LEKR1: variants seen among roughly 807,000 people sequenced by gnomAD.
The protein encoded by LEKR1 is protein LEKR1.
In LEKR1, 59 loss-of-function variants were observed where a neutral mutation model predicts 72.4. That is an observed-to-expected ratio of 0.82 (90% CI 0.66 to 1.01). LEKR1 has a LOEUF of 1.01. LEKR1 is among the 50% of genes least tolerant of loss of function. The pLI is 0.00. For missense variants in LEKR1, 728 were observed against 759.2 expected (o/e 0.96, Z 0.48); for synonymous variants, 257 against 263.2 (o/e 0.98, Z 0.23).
chr3:156,942,491 A>C (rs1440102949), intron 5 of LEKR1, 38 bp from the exon 6 acceptor site: 17 of 695,658 alleles, frequency 2.4e-5, no homozygotes, highest in Non-Finnish European at 3.5e-5. Flanking sequence ...TTATGATTCA[A>C]TTATTGGCTA....
rs912852601 is a variant in LEKR1, at chr3:157,023,752, G to A, written c.1204-1008G>A. Among the ~76,000 whole-genome samples the A allele has an allele frequency of 1.2e-4, 18 of 152,260 alleles. 1 individual carries two copies. Among genetic ancestry groups the A allele is most frequent in the Admixed American group, 1.1e-3 (17 of 15,286 alleles). On this transcript the variant is annotated intron_variant, in intron 10 of 12. Transcript: ENST00000356539. ...AAACTCAACTTCATCTGCATCTAGA[G>A]TTCTTGCTTATTCTTTCCACAATTC...
chr3:156,858,981 T>G (rs1716426013), intron 3 of LEKR1, among the ~76,000 whole-genome samples: 1 of 152,228 alleles, frequency 6.6e-6, no homozygotes, highest in Non-Finnish European at 1.5e-5. Flanking sequence ...ACTATCCTTT[T>G]ATCTATGTCT....
intron 12 of LEKR1, among the ~76,000 whole-genome samples, chr3:157,038,235 T>C (rs1735101041): frequency 1.3e-5 from 2 of 152,080 alleles, no homozygotes; most frequent in Non-Finnish European, 2.9e-5. Context: ...TGCTGATTGA[T>C]TGGATGATAT....
At chr3:156,857,979 A>C (rs947870073) in intron 3 of LEKR1, among the ~76,000 whole-genome samples, 2 of 152,210 alleles carry the variant, frequency 1.3e-5, no homozygotes, top group Non-Finnish European at 2.9e-5. Context: ...TCTTCATTAA[A>C]AATGTATTTT....
intron 3 of LEKR1, among the ~76,000 whole-genome samples, chr3:156,885,298 T>C (rs545423846): frequency 6.6e-6 from 1 of 152,218 alleles, no homozygotes; most frequent in African/African-American, 2.4e-5. Flanking sequence ...AGAGATTTCT[T>C]CCTGGTTTGG....
chr3:156,956,627 A>G (rs1727661892), intron 6 of LEKR1, among the ~76,000 whole-genome samples: 1 of 152,106 alleles, frequency 6.6e-6, no homozygotes, highest in African/African-American at 2.4e-5. Context: ...TACAGAATGT[A>G]TCCTAATTAT....
chr3:156,850,680 G>T (rs9837038), intron 2 of LEKR1, among the ~76,000 whole-genome samples: 3 of 151,972 alleles, frequency 2.0e-5, no homozygotes, highest in Non-Finnish European at 4.4e-5. Context: ...AACAATTACA[G>T]GCCCAGTTGG....
intron 7 of LEKR1, among the ~76,000 whole-genome samples, chr3:156,981,617 TC>T (rs1469182056): frequency 6.6e-6 from 1 of 152,220 alleles, no homozygotes; most frequent in Non-Finnish European, 1.5e-5. Flanking sequence ...CTCTAGCTCT[TC>T]CATCTATACT....
intron 9 of LEKR1, among the ~76,000 whole-genome samples, chr3:156,994,045 A>G (rs1469734793): frequency 6.6e-6 from 1 of 152,108 alleles, no homozygotes; most frequent in Non-Finnish European, 1.5e-5. Context: ...AACTAAGAAC[A>G]CAAGTTTCAT....
At chr3:156,927,125 A>G (rs1724791537) in intron 4 of LEKR1, among the ~76,000 whole-genome samples, 1 of 151,914 alleles carries the variant, frequency 6.6e-6, no homozygotes, top group South Asian at 2.1e-4. Flanking sequence ...TCTTCACTAA[A>G]TGTTTACGGT....
At chr3:157,040,447 C>T (rs532079577) in intron 12 of LEKR1, among the ~76,000 whole-genome samples, 1 of 152,328 alleles carries the variant, frequency 6.6e-6, no homozygotes, top group East Asian at 1.9e-4. Flanking sequence ...ATCCATCTTA[C>T]TTGTTTCCTG....
chr3:157,012,533 T>C (rs896576202), intron 10 of LEKR1, among the ~76,000 whole-genome samples: 2 of 152,134 alleles, frequency 1.3e-5, no homozygotes, highest in African/African-American at 2.4e-5. Context: ...CCTTTAGGTA[T>C]TCTTGCTGCC....
chr3:156,943,705 G>A (rs2107969874), intron 6 of LEKR1, among the ~76,000 whole-genome samples: 1 of 151,964 alleles, frequency 6.6e-6, no homozygotes, highest in Non-Finnish European at 1.5e-5. Context: ...ACACAGAAGA[G>A]AAGGAAGTCA....
chr3:156,953,762 C>A (rs1727380713), intron 6 of LEKR1, among the ~76,000 whole-genome samples: 1 of 151,912 alleles, frequency 6.6e-6, no homozygotes, highest in Non-Finnish European at 1.5e-5. Context: ...TTTATTTAAT[C>A]TATCATTGAT....
intron 7 of LEKR1, among the ~76,000 whole-genome samples, chr3:156,980,661 C>A (rs34846835): frequency 2.6e-5 from 4 of 152,084 alleles, no homozygotes; most frequent in Non-Finnish European, 5.9e-5. Flanking sequence ...CTAGTCAGGC[C>A]CCAGCTACTG....
At chr3:156,862,155 G>A (rs1182969726) in intron 3 of LEKR1, among the ~76,000 whole-genome samples, 1 of 151,950 alleles carries the variant, frequency 6.6e-6, no homozygotes, top group African/African-American at 2.4e-5. Flanking sequence ...TAATTATGAT[G>A]TTGCTGTAGC....
At chr3:156,930,500 T>C (rs761391291) in intron 5 of LEKR1, among the ~76,000 whole-genome samples, 2 of 152,130 alleles carry the variant, frequency 1.3e-5, no homozygotes, top group Non-Finnish European at 2.9e-5. Flanking sequence ...TTATGTGACA[T>C]GGCAGAATAT....
chr3:156,964,408 T>C (rs947921643), intron 6 of LEKR1, among the ~76,000 whole-genome samples: 3 of 152,172 alleles, frequency 2.0e-5, no homozygotes, highest in Non-Finnish European at 2.9e-5. Context: ...TAAAATATTA[T>C]GATAAACATC....
At position 156,965,005 on chromosome 3, in the gene LEKR1, G is replaced by A. The variant is rs144385447; in HGVS notation, c.746-14189G>A. On this transcript the variant is annotated intron_variant, in intron 6 of 12. Transcript: ENST00000356539. ...CTACTTTGTTTACTCTAGGCTGTCC[G>A]TATCCATTTTCTGGTTTTGAAAAAT... Among the ~76,000 whole-genome samples, 178 of 151,980 alleles carry A rather than the reference G, an allele frequency of 1.2e-3. 1 individual carries two copies. The highest frequency in any genetic ancestry group is 3.9e-3 in the African/African-American group (160 of 41,460).
Sources: allele counts gnomAD v4.1 joint callset (sites outside exome capture counted in the v4.1 genomes callset), GRCh38; gene constraint gnomAD v4.1.1; transcripts MANE v1.5; gene names NCBI Gene and HGNC (gene_info 2026-07-23, HGNC 2026-07-21).